GRB2: variants seen among roughly 807,000 people sequenced by gnomAD.
GRB2 encodes growth factor receptor-bound protein 2.
A neutral mutation model predicts 27.4 loss-of-function variants in GRB2; 2 were observed. The observed-to-expected ratio is 0.07, with a 90% CI of 0.03 to 0.23. GRB2 has a LOEUF of 0.23. GRB2 is among the 10% of genes least tolerant of loss of function. The pLI is 1.00. For missense variants in GRB2, 102 were observed against 282.4 expected (o/e 0.36, Z 4.58); for synonymous variants, 94 against 99.6 (o/e 0.94, Z 0.33).
chr17:75,324,530 TTTTTTG>T (rs1481443298), intron 4 of GRB2, among the ~76,000 whole-genome samples: 56 of 88,928 alleles, frequency 6.3e-4, no homozygotes, highest in South Asian at 8.5e-4. Context: ...TTTTTTTTTT[TTTTTTG>T]GAGACAGAGT....
intron 1 of GRB2, among the ~76,000 whole-genome samples, chr17:75,401,451 C>CAAAAAA (rs71161209): frequency 1.3e-5 from 1 of 79,048 alleles, no homozygotes; most frequent in Non-Finnish European, 2.3e-5. Flanking sequence ...GACTCCGTCT[C>CAAAAAA]AAAAAAAAAA....
intron 2 of GRB2, among the ~76,000 whole-genome samples, chr17:75,337,419 C>T (rs572578658): frequency 2.0e-4 from 31 of 151,700 alleles, no homozygotes; most frequent in Admixed American, 1.8e-3. Context: ...AACAAAACAG[C>T]AAAGAACACA....
intron 2 of GRB2, 75 bp from the exon 3 acceptor site, chr17:75,332,872 T>C (rs373409035): frequency 7.3e-6 from 7 of 954,532 alleles, no homozygotes; most frequent in Admixed American, 2.0e-5. Context: ...AAGACAATTA[T>C]GCTATCTTTT....
intron 2 of GRB2, among the ~76,000 whole-genome samples, chr17:75,337,808 C>G (rs530727206): frequency 6.7e-6 from 1 of 150,244 alleles, no homozygotes; most frequent in Non-Finnish European, 1.5e-5. Flanking sequence ...CCTCGTGATC[C>G]GCCTGCCTCG....
intron 2 of GRB2, among the ~76,000 whole-genome samples, chr17:75,385,892 T>C (rs547580117): frequency 1.3e-5 from 2 of 152,352 alleles, no homozygotes; most frequent in East Asian, 1.9e-4. Flanking sequence ...ATAGGTGCCA[T>C]AATCTACCTC....
intron 4 of GRB2, 26 bp downstream of exon 4, chr17:75,325,872 A>G: frequency 6.2e-7 from 1 of 1,611,892 alleles, no homozygotes; most frequent in South Asian, 1.1e-5. Context: ...ACAGGATTCC[A>G]GGCAACTGCA....
At chr17:75,365,607 C>T (rs984784662) in intron 2 of GRB2, among the ~76,000 whole-genome samples, 21 of 150,830 alleles carry the variant, frequency 1.4e-4, no homozygotes, top group African/African-American at 5.1e-4. Context: ...ACATCTGGTA[C>T]AATCTATACC....
At chr17:75,381,295 G>A (rs2078925995) in intron 2 of GRB2, among the ~76,000 whole-genome samples, 1 of 151,910 alleles carries the variant, frequency 6.6e-6, no homozygotes, top group Admixed American at 6.6e-5. Context: ...TGGAATAGAG[G>A]GACTTATTGA....
intron 1 of GRB2, among the ~76,000 whole-genome samples, chr17:75,396,700 A>G (rs1483214885): frequency 6.6e-6 from 1 of 152,028 alleles, no homozygotes; most frequent in African/African-American, 2.4e-5. Flanking sequence ...CCCTATTTTT[A>G]CTTTTAATGA....
At chr17:75,333,501 T>A (rs1167831583) in intron 2 of GRB2, among the ~76,000 whole-genome samples, 2 of 151,782 alleles carry the variant, frequency 1.3e-5, no homozygotes, top group African/African-American at 4.8e-5. Context: ...GAGAGAGAGG[T>A]GTCACAGCAG....
At chr17:75,337,901 C>CTATTATTAT (rs71361670) in intron 2 of GRB2, among the ~76,000 whole-genome samples, 56 of 117,368 alleles carry the variant, frequency 4.8e-4, no homozygotes, top group African/African-American at 1.3e-3. Context: ...ACTACTACTA[C>CTATTATTAT]TATTATTATT....
intron 1 of GRB2, among the ~76,000 whole-genome samples, chr17:75,398,733 T>C (rs945177850): frequency 1.3e-5 from 2 of 152,108 alleles, no homozygotes; most frequent in African/African-American, 4.8e-5. Flanking sequence ...GGTAATCTAT[T>C]GACAACTTTT....
intron 2 of GRB2, among the ~76,000 whole-genome samples, chr17:75,387,131 A>T (rs1224432094): frequency 1.3e-5 from 2 of 151,376 alleles, no homozygotes; most frequent in African/African-American, 4.9e-5. Context: ...ACTGCACTCC[A>T]TCCAGCCTGA....
chr17:75,321,847 C>T lies in GRB2; in HGVS notation c.300-20G>A, dbSNP rs745571780. The T allele has an allele frequency of 3.1e-6, 5 of 1,611,776 alleles. No homozygotes were observed. Among genetic ancestry groups the T allele is most frequent in the Non-Finnish European group, 4.2e-6 (5 of 1,179,656 alleles). On this transcript the variant is annotated intron_variant, in intron 4 of 5. Coordinates refer to ENST00000316804, the MANE Select transcript of GRB2 (RefSeq NM_002086.5). ...CCAAACCTGGGAGGGACAGAAAGCACATGTGACCGGCTAAAGGCTCTAACT... is the reference window on the plus strand; with the variant it reads ...CCAAACCTGGGAGGGACAGAAAGCATATGTGACCGGCTAAAGGCTCTAACT...
chr17:75,359,628 CCT>C (rs2078766118), intron 2 of GRB2, among the ~76,000 whole-genome samples: 1 of 152,022 alleles, frequency 6.6e-6, no homozygotes, highest in South Asian at 2.1e-4. Flanking sequence ...CCTGCCAGTC[CCT>C]GTCATCTCCT....
At chr17:75,335,123 T>C (rs1324469213) in intron 2 of GRB2, among the ~76,000 whole-genome samples, 1 of 152,094 alleles carries the variant, frequency 6.6e-6, no homozygotes, top group Non-Finnish European at 1.5e-5. Context: ...TATTTATATG[T>C]TGGATTGCAA....
intron 2 of GRB2, among the ~76,000 whole-genome samples, chr17:75,383,020 G>GTTAGCCAATTGCACA (rs1555612545): frequency 1.3e-5 from 2 of 151,378 alleles, no homozygotes; most frequent in Non-Finnish European, 3.0e-5. Context: ...GCATCCTTAA[G>GTTAGCCAATTGCACA]ATTTTTAAAA....
At chr17:75,358,700 TAAAAAAA>T (rs71159497) in intron 2 of GRB2, among the ~76,000 whole-genome samples, 1 of 66,282 alleles carries the variant, frequency 1.5e-5, no homozygotes, top group Non-Finnish European at 3.0e-5. Context: ...CCATCTCTAC[TAAAAAAA>T]AAAAAAAAAA....
chr17:75,371,813 A>G (rs55689512), intron 2 of GRB2: 1 of 151,944 alleles, frequency 6.6e-6, no homozygotes, highest in Non-Finnish European at 1.5e-5. Flanking sequence ...TTGTTTAAAT[A>G]TAGAAAGTAA....
Sources: gnomAD v4.1 joint callset for allele counts (sites outside exome capture counted in the v4.1 genomes callset) on GRCh38, gnomAD v4.1.1 for gene constraint, MANE v1.5 for transcripts, NCBI Gene and HGNC (gene_info 2026-07-23, HGNC 2026-07-21) for gene names.